Variants in LRRC4C observed in about 807,000 individuals in gnomAD.
LRRC4C encodes leucine rich repeat containing 4C.
LRRC4C carries 5 observed loss-of-function variants against 33.6 expected under a neutral mutation model. That is an observed-to-expected ratio of 0.15 (90% CI 0.08 to 0.31). The LOEUF (loss-of-function observed/expected upper bound fraction) is 0.31. LRRC4C is among the 10% of genes least tolerant of loss of function. The pLI, the probability that LRRC4C is intolerant of heterozygous loss-of-function variation, is 1.00. For missense variants in LRRC4C, 560 were observed against 796.7 expected, an observed-to-expected ratio of 0.70 and a Z score of 3.58; for synonymous variants, 329 against 302.0, an observed-to-expected ratio of 1.09 and a Z score of -0.93.
intron 3 of LRRC4C, among the ~76,000 whole-genome samples, chr11:40,356,361 G>T (rs1189591241): frequency 1.3e-5 from 2 of 152,090 alleles, no homozygotes; most frequent in South Asian, 2.1e-4. Context: ...GATTACGTGG[G>T]ACATAGTATG....
At chr11:40,608,644 A>C (rs1327279107) in intron 3 of LRRC4C, among the ~76,000 whole-genome samples, 1 of 152,162 alleles carries the variant, frequency 6.6e-6, no homozygotes, top group Non-Finnish European at 1.5e-5. Flanking sequence ...AAAGGAAAAA[A>C]TAAGTTCCAA....
At chr11:40,154,432 G>A (rs1366759412) in intron 5 of LRRC4C, among the ~76,000 whole-genome samples, 4 of 151,930 alleles carry the variant, frequency 2.6e-5, no homozygotes, top group Non-Finnish European at 4.4e-5. Context: ...GAATGGATAA[G>A]AACTCACCAA....
intron 2 of LRRC4C, among the ~76,000 whole-genome samples, chr11:40,840,425 C>T (rs2078907127): frequency 6.6e-6 from 1 of 152,054 alleles, no homozygotes. Context: ...TTTTAGTGCT[C>T]CTGCAAATCT....
At chr11:40,957,667 T>A (rs1469868914) in intron 1 of LRRC4C, among the ~76,000 whole-genome samples, 3 of 151,712 alleles carry the variant, frequency 2.0e-5, no homozygotes, top group Non-Finnish European at 4.4e-5. Flanking sequence ...ACAGCATAAG[T>A]GCTGAAGTCT....
chr11:41,008,418 A>G (rs1264723551), intron 1 of LRRC4C, among the ~76,000 whole-genome samples: 3 of 152,144 alleles, frequency 2.0e-5, no homozygotes, highest in Admixed American at 6.5e-5. Flanking sequence ...CAGGGTACAC[A>G]GTAATCTGGT....
intron 2 of LRRC4C, among the ~76,000 whole-genome samples, chr11:40,826,617 A>T (rs1256837077): frequency 1.3e-5 from 2 of 151,974 alleles, no homozygotes; most frequent in Admixed American, 1.3e-4. Flanking sequence ...AGACACTAGG[A>T]AGGGTAGAAT....
intron 2 of LRRC4C, among the ~76,000 whole-genome samples, chr11:40,710,634 T>C (rs1946413967): frequency 6.6e-6 from 1 of 152,204 alleles, no homozygotes; most frequent in South Asian, 2.1e-4. Context: ...TGGCCCCTAC[T>C]GAGAGGTGTC....
intron 2 of LRRC4C, among the ~76,000 whole-genome samples, chr11:40,867,869 A>G (rs1954445997): frequency 6.6e-6 from 1 of 152,186 alleles, no homozygotes; most frequent in Admixed American, 6.5e-5. Flanking sequence ...CCCATCCAGC[A>G]TGCTCATTAG....
chr11:40,256,114 A>G (rs1282279249), intron 4 of LRRC4C, among the ~76,000 whole-genome samples: 1 of 152,252 alleles, frequency 6.6e-6, no homozygotes, highest in Non-Finnish European at 1.5e-5. Flanking sequence ...TGCATTCTGC[A>G]GAGCAACATC....
chr11:40,636,845 C>T (rs965877393), intron 3 of LRRC4C, among the ~76,000 whole-genome samples: 5 of 152,272 alleles, frequency 3.3e-5, no homozygotes, highest in Middle Eastern at 3.4e-3. Flanking sequence ...TGTTCACTCA[C>T]TCTGTCTTCT....
At chr11:40,329,960 C>T (rs141353585) in intron 3 of LRRC4C, among the ~76,000 whole-genome samples, 6 of 152,122 alleles carry the variant, frequency 3.9e-5, no homozygotes, top group African/African-American at 1.4e-4. Context: ...CCAGGATGGT[C>T]TCTATCTCCT....
At chr11:41,188,369 A>C (rs1945788940) in intron 1 of LRRC4C, among the ~76,000 whole-genome samples, 1 of 152,098 alleles carries the variant, frequency 6.6e-6, no homozygotes, top group Non-Finnish European at 1.5e-5. Context: ...ATACATGTTG[A>C]GATGATTTTC....
chr11:41,120,579 T>G (rs1449677888), intron 1 of LRRC4C, among the ~76,000 whole-genome samples: 1 of 152,200 alleles, frequency 6.6e-6, no homozygotes, highest in Non-Finnish European at 1.5e-5. Flanking sequence ...TGACAGTGGC[T>G]ATATTACTTC....
intron 1 of LRRC4C, among the ~76,000 whole-genome samples, chr11:40,998,753 C>T (rs1321670083): frequency 6.6e-6 from 1 of 152,080 alleles, no homozygotes; most frequent in African/African-American, 2.4e-5. Context: ...TCACCTGCTG[C>T]AGTAGAGGAT....
At chr11:41,132,678 T>G (rs1943070840) in intron 1 of LRRC4C, among the ~76,000 whole-genome samples, 1 of 152,170 alleles carries the variant, frequency 6.6e-6, no homozygotes, top group African/African-American at 2.4e-5. Flanking sequence ...TGTTCAAATT[T>G]TCTACTATGA....
intron 1 of LRRC4C, among the ~76,000 whole-genome samples, chr11:41,199,813 T>C (rs1946332769): frequency 6.6e-6 from 1 of 152,130 alleles, no homozygotes; most frequent in Non-Finnish European, 1.5e-5. Flanking sequence ...TTCATAGATA[T>C]TGTGGCTGAC....
At chr11:40,515,421 T>C (rs1468746597) in intron 3 of LRRC4C, among the ~76,000 whole-genome samples, 1 of 152,112 alleles carries the variant, frequency 6.6e-6, no homozygotes, top group African/African-American at 2.4e-5. Flanking sequence ...TTCTTTTCTA[T>C]ATGTGAATAA....
intron 2 of LRRC4C, among the ~76,000 whole-genome samples, chr11:40,789,093 GAAAAAAAAAAAA>G (rs397956716): frequency 9.4e-5 from 6 of 63,534 alleles, no homozygotes; most frequent in African/African-American, 2.6e-4. Flanking sequence ...TCCGTCTCGG[GAAAAAAAAAAAA>G]AAAAAAAAAA....
At chr11:40,406,247 C>T (rs1171704173) in intron 3 of LRRC4C, among the ~76,000 whole-genome samples, 5 of 152,106 alleles carry the variant, frequency 3.3e-5, no homozygotes, top group Non-Finnish European at 7.4e-5. Flanking sequence ...CTAAATGCTA[C>T]TCAGTCTTAG....
Sources: allele counts gnomAD v4.1 joint callset (sites outside exome capture counted in the v4.1 genomes callset), GRCh38; gene constraint gnomAD v4.1.1; transcripts MANE v1.5; gene names NCBI Gene and HGNC (gene_info 2026-07-23, HGNC 2026-07-21).